HERC6: variants seen among roughly 807,000 people sequenced by gnomAD.
The protein encoded by HERC6 is probable E3 ubiquitin-protein ligase HERC6.
Under a neutral mutation model 114.5 loss-of-function variants are expected in HERC6, and 101 were observed. That is an observed-to-expected ratio of 0.88 (90% CI 0.75 to 1.04). The LOEUF is 1.04. Among genes scored for constraint, HERC6 ranks in the 50% least tolerant of loss-of-function variants. The probability of loss-of-function intolerance (pLI) is 0.00; values close to 1 mark genes in which losing one functional copy is unlikely to be tolerated. For missense variants in HERC6, 1,133 were observed against 1,230.9 expected (o/e 0.92, Z 1.19); for synonymous variants, 408 against 436.2 (o/e 0.94, Z 0.81).
In HERC6 at chr4:88,431,165, G is replaced by A; in HGVS notation, c.2110G>A (p.Glu704Lys). The change falls in exon 17 of 23, where the codon GAA (glutamate) becomes AAA (lysine). Residue 704 changes from glutamate to lysine, a missense_variant. Glu to Lys is a moderately conservative substitution (Grantham distance 56). Coordinates refer to ENST00000264346, the MANE Select transcript of HERC6 (RefSeq NM_017912.4). ...GGACTATGTTCTCTTTCCTTAGGTTGAATTTATTAATGAAATTTGTCCTGA... is the reference window on the plus strand; with the variant it reads ...GGACTATGTTCTCTTTCCTTAGGTTAAATTTATTAATGAAATTTGTCCTGA... ...ATDFCKVLVV[E>K]FINEICPESG... The A allele has an allele frequency of 6.2e-7, 1 of 1,605,968 alleles. No homozygotes were observed. The highest frequency in any genetic ancestry group is 1.7e-4 in the Middle Eastern group (1 of 6,012).
At position 88,418,366 on chromosome 4, in the gene HERC6, C is replaced by G. The variant is rs183750877; in HGVS notation, c.1713+787C>G. 5.0e-3 allele frequency among the ~76,000 whole-genome samples: 759 copies of G among 152,118 alleles called. 8 individuals carry two copies. The highest frequency in any genetic ancestry group is 0.033 in the South Asian group (159 of 4,810). The stretch of plus-strand genomic sequence containing the variant: ...TCAAAGTAGGAGCGAGCCAAAAGAC[C>G]AAAAAATGACTTAGGACAAGCCCAG... On this transcript the variant is annotated intron_variant, in intron 13 of 22. Coordinates refer to ENST00000264346, the MANE Select transcript of HERC6 (RefSeq NM_017912.4).
chr4:88,440,420 T>G, intron 22 of HERC6, 170 bp downstream of exon 22: 1 of 565,460 alleles, frequency 1.8e-6, no homozygotes, highest in Non-Finnish European at 3.1e-6. Flanking sequence ...GGGTGAGGTA[T>G]AGAGCAGAAA....
chr4:88,426,755 C>T (rs1341609445), intron 15 of HERC6, among the ~76,000 whole-genome samples: 3 of 152,234 alleles, frequency 2.0e-5, no homozygotes, highest in Admixed American at 6.5e-5. Flanking sequence ...GGATTACAGG[C>T]GTGAGCCACC....
At chr4:88,429,456 T>C (rs753298456) in intron 16 of HERC6, among the ~76,000 whole-genome samples, 1 of 152,226 alleles carries the variant, frequency 6.6e-6, no homozygotes, top group Non-Finnish European at 1.5e-5. Context: ...GTTTCATCAC[T>C]TAAGACCTTC....
chr4:88,394,529 A>C (rs1735112279), intron 5 of HERC6, among the ~76,000 whole-genome samples: 1 of 77,802 alleles, frequency 1.3e-5, no homozygotes, highest in African/African-American at 8.6e-5. Context: ...CCTTTTAGCA[A>C]TTATTATTAT....
chr4:88,439,750 C>A, intron 20 of HERC6, 124 bp from the exon 21 acceptor site: 1 of 871,622 alleles, frequency 1.1e-6, no homozygotes, highest in Non-Finnish European at 1.6e-6. Flanking sequence ...CATTCTTGTG[C>A]TATATAGAAG....
chr4:88,387,570 A>G lies in HERC6; in HGVS notation c.436+1995A>G, dbSNP rs532442165. Among the ~76,000 whole-genome samples, 175 of 152,314 alleles carry G rather than the reference A, an allele frequency of 1.1e-3. 1 individual carries two copies. The highest frequency in any genetic ancestry group is 4.1e-3 in the African/African-American group (170 of 41,564). ...AGGTCTCAACCCTAAGTGCTTAACT[A>G]CTACGCTGCACTGACTACAAATCCA... On this transcript the variant is annotated intron_variant, in intron 3 of 22. Coordinates refer to ENST00000264346, the MANE Select transcript of HERC6 (RefSeq NM_017912.4).
intron 1 of HERC6, among the ~76,000 whole-genome samples, chr4:88,381,187 G>T (rs1459777215): frequency 2.0e-5 from 3 of 152,104 alleles, no homozygotes; most frequent in Non-Finnish European, 2.9e-5. Context: ...GTTTCAAAAG[G>T]TGTGTGGAGG....
At chr4:88,380,677 A>G (rs1208022691) in intron 1 of HERC6, among the ~76,000 whole-genome samples, 2 of 149,870 alleles carry the variant, frequency 1.3e-5, no homozygotes, top group African/African-American at 4.9e-5. Context: ...AAATCGCGAC[A>G]CTGCACTCCA....
At chr4:88,441,700 C>T (rs1037561336) in intron 22 of HERC6, among the ~76,000 whole-genome samples, 2 of 152,120 alleles carry the variant, frequency 1.3e-5, no homozygotes, top group African/African-American at 4.8e-5. Context: ...CCAACTTGTC[C>T]ACAGATCCAA....
intron 15 of HERC6, 148 bp downstream of exon 15, chr4:88,424,850 T>C (rs1737440603): frequency 5.0e-6 from 3 of 599,690 alleles, no homozygotes; most frequent in Non-Finnish European, 8.6e-6. Flanking sequence ...TTGTTGTTAC[T>C]GTTTTTGCTG....
chr4:88,407,865 C>T (rs538787794), intron 10 of HERC6, among the ~76,000 whole-genome samples: 6 of 152,246 alleles, frequency 3.9e-5, no homozygotes, highest in East Asian at 1.9e-4. Flanking sequence ...AAGACCAGTT[C>T]GGAATTTATT....
chr4:88,415,833 G>GT (rs765458619), intron 12 of HERC6, among the ~76,000 whole-genome samples: 2 of 152,180 alleles, frequency 1.3e-5, no homozygotes, highest in Non-Finnish European at 2.9e-5. Context: ...TTTAATAATT[G>GT]TAGGGAAACC....
At position 88,413,085 on chromosome 4, in the gene HERC6, G is replaced by A. The variant is rs776659686; in HGVS notation, c.1377G>A (p.Thr459=). The A allele has an allele frequency of 1.4e-5, 22 of 1,604,752 alleles. No homozygotes were observed. The highest frequency in any genetic ancestry group is 2.2e-5 in the East Asian group (1 of 44,710). The change falls in exon 12 of 23, where the codon ACG becomes ACA. Residue 459 remains threonine (T), a synonymous_variant. Transcript: ENST00000264346. The stretch of plus-strand genomic sequence containing the variant: ...TCCTATTTTTACCACAGATAACTAC[G>A]TGTCTCGAGGATGATCTGCTCAGAG... ...KKEWISSMIT[T]CLEDDLLRAL...
At chr4:88,437,156 A>C (rs1738846876) in intron 19 of HERC6, among the ~76,000 whole-genome samples, 185 bp downstream of exon 19, 1 of 151,884 alleles carries the variant, frequency 6.6e-6, no homozygotes, top group Non-Finnish European at 1.5e-5. Flanking sequence ...TCCTGGGTTC[A>C]AGTGATTCTC....
intron 15 of HERC6, among the ~76,000 whole-genome samples, chr4:88,426,631 C>G (rs755080472): frequency 1.3e-5 from 2 of 151,772 alleles, no homozygotes; most frequent in African/African-American, 2.4e-5. Flanking sequence ...AGGCACCCAC[C>G]ACACCCAGCT....
intron 3 of HERC6, among the ~76,000 whole-genome samples, chr4:88,388,369 G>T (rs982544721): frequency 6.6e-6 from 1 of 152,038 alleles, no homozygotes; most frequent in South Asian, 2.1e-4. Context: ...TGGCCAACAT[G>T]AGGAAACCCC....
intron 8 of HERC6, among the ~76,000 whole-genome samples, chr4:88,402,321 A>G (rs1047461407): frequency 6.6e-6 from 1 of 152,174 alleles, no homozygotes; most frequent in Non-Finnish European, 1.5e-5. Context: ...AATATTTGGC[A>G]ATGTCTGGAG....
chr4:88,414,837 GA>G (rs1364889392), intron 12 of HERC6, among the ~76,000 whole-genome samples: 1 of 152,180 alleles, frequency 6.6e-6, no homozygotes, highest in Admixed American at 6.6e-5. Flanking sequence ...ATCTTGTGCT[GA>G]CCTCCGATCT....
Sources: gnomAD v4.1 joint callset for allele counts (sites outside exome capture counted in the v4.1 genomes callset) on GRCh38, gnomAD v4.1.1 for gene constraint, MANE v1.5 for transcripts, NCBI Gene and HGNC (gene_info 2026-07-23, HGNC 2026-07-21) for gene names.